Variants in SP7 observed in about 807,000 individuals in gnomAD.
SP7 encodes Sp7 transcription factor, also known as transcription factor Sp7.
SP7 carries 13 observed loss-of-function variants against 27.9 expected under a neutral mutation model. That is an observed-to-expected ratio of 0.47 (90% CI 0.30 to 0.74). The LOEUF (loss-of-function observed/expected upper bound fraction) is 0.74. Ranked by LOEUF, SP7 falls within the 30% of genes least tolerant of loss-of-function variation. SP7 has a pLI of 0.06. For missense variants in SP7, 525 were observed against 558.0 expected (o/e 0.94, Z 0.60); for synonymous variants, 219 against 226.7 (o/e 0.97, Z 0.31).
intron 1 of SP7, among the ~76,000 whole-genome samples, chr12:53,342,326 G>A (rs1235845854): frequency 1.3e-5 from 2 of 152,024 alleles, no homozygotes; most frequent in Non-Finnish European, 2.9e-5. Flanking sequence ...ATTCTTCCTC[G>A]GAGCCCAGAT....
intron 1 of SP7, 162 bp from the exon 2 acceptor site, chr12:53,335,855 T>C (rs1944764625): frequency 7.1e-7 from 1 of 1,401,834 alleles, no homozygotes; most frequent in African/African-American, 1.4e-5. Flanking sequence ...CGGAGAAGGC[T>C]CCAGATCCAA....
chr12:53,328,405 C>T lies in SP7; in HGVS notation c.1037G>A (p.Arg346His), dbSNP rs1156887202. ...TRSDELERHV[R>H]THTREKKFTC... Reference sequence around the variant, plus strand: ...GAACTTCTTCTCCCGGGTGTGAGTGCGCACATGACGCTCCAGCTCATCCGA... The same window carrying T: ...GAACTTCTTCTCCCGGGTGTGAGTGTGCACATGACGCTCCAGCTCATCCGA... The change falls in exon 3 of 3, where the codon CGC (arginine) becomes CAC (histidine). Residue 346 changes from arginine to histidine, a missense_variant. Coordinates refer to ENST00000536324, the MANE Select transcript of SP7 (RefSeq NM_001173467.3). This position sits in a 1 kb window ranked among gnomAD's most constrained non-coding sequence, Gnocchi z 5.1. 52 of 1,613,788 alleles carry T rather than the reference C, an allele frequency of 3.2e-5. No homozygotes were observed. Among genetic ancestry groups the T allele is most frequent in the African/African-American group, 6.7e-5 (5 of 74,934 alleles).
intron 2 of SP7, 110 bp downstream of exon 2, chr12:53,335,516 A>G: frequency 1.4e-6 from 1 of 724,008 alleles, no homozygotes; most frequent in Admixed American, 2.0e-5. Context: ...GACCCCTGGA[A>G]TTGACAAGCA....
chr12:53,338,902 G>A (rs1944798446), upstream of SP7, among the ~76,000 whole-genome samples: 1 of 152,150 alleles, frequency 6.6e-6, no homozygotes, highest in South Asian at 2.1e-4. Flanking sequence ...TAGTCCTGCA[G>A]CCCAGCTGAG....
chr12:53,327,925 G>A lies in SP7; in HGVS notation c.*221C>T. On this transcript the variant is annotated 3_prime_UTR_variant, in exon 3 of 3. Transcript: ENST00000536324. ...TATCAGGCACAAGGGGAGGGCCTGA[G>A]ATGAGAGTTTGTGGAAAGCCAGTCT... is the stretch of plus-strand genomic sequence containing the variant. 2 of 542,764 alleles carry A rather than the reference G, an allele frequency of 3.7e-6. No individual in the cohort carries two copies. The highest frequency in any genetic ancestry group is 5.4e-5 in the South Asian group (2 of 37,374). The allele number at this position is 542,764 out of a possible 1,614,324, so 33.6% of individuals were successfully genotyped here.
At chr12:53,330,662 G>A (rs1365532883) in intron 2 of SP7, among the ~76,000 whole-genome samples, 1 of 152,220 alleles carries the variant, frequency 6.6e-6, no homozygotes, top group Non-Finnish European at 1.5e-5. Context: ...GGCTCAAAGT[G>A]CAGTGTAGGG....
Position 53,326,986 on chromosome 12 carries a change from T to A in SP7, c.*1160A>T, listed in dbSNP as rs1362608692. 2 of 152,238 alleles carry A rather than the reference T, an allele frequency of 1.3e-5. No homozygotes were observed. The highest frequency in any genetic ancestry group is 2.9e-5 in the Non-Finnish European group (2 of 68,052). The allele number at this position is 152,238 out of a possible 1,614,324, so 9.4% of individuals were successfully genotyped here. A position where few individuals can be genotyped will look rare whatever the true frequency, so the allele number is the denominator to read the frequency against. On this transcript the variant is annotated 3_prime_UTR_variant, in exon 3 of 3. Coordinates refer to ENST00000536324, the MANE Select transcript of SP7 (RefSeq NM_001173467.3). ...CCTTCCCCACCCATTCTTCAGGAGGTGCACCCCCAAACCAATGTCCTCCTG... is the reference window on the plus strand; with the variant it reads ...CCTTCCCCACCCATTCTTCAGGAGGAGCACCCCCAAACCAATGTCCTCCTG...
Position 53,328,439 on chromosome 12 carries a change from A to G in SP7, c.1003T>C (p.Phe335Leu). 2 of 1,613,522 alleles carry G rather than the reference A, an allele frequency of 1.2e-6. No homozygotes were observed. The highest frequency in any genetic ancestry group is 1.1e-5 in the South Asian group (1 of 91,058). ...CGCTCCAGCTCATCCGAACGAGTGAACCTCTTGCCGCAGAAGAGCCAGTTG... is the reference window on the plus strand; with the variant it reads ...CGCTCCAGCTCATCCGAACGAGTGAGCCTCTTGCCGCAGAAGAGCCAGTTG... ...VCNWLFCGKR[F>L]TRSDELERHV... The change falls in exon 3 of 3, where the codon TTC (phenylalanine) becomes CTC (leucine). Residue 335 changes from phenylalanine (F) to leucine (L), a missense_variant. Transcript: ENST00000536324. This position sits in a 1 kb window ranked among gnomAD's most constrained non-coding sequence, Gnocchi z 5.1.
intron 1 of SP7, among the ~76,000 whole-genome samples, chr12:53,342,153 C>T (rs1333242636): frequency 6.6e-6 from 1 of 151,864 alleles, no homozygotes; most frequent in Admixed American, 6.6e-5. Flanking sequence ...ATCCCAGCTA[C>T]TCTGGAGGCT....
chr12:53,328,324 T>A lies in SP7; in HGVS notation c.1118A>T (p.Gln373Leu), dbSNP rs1944657642. 6.2e-7 allele frequency: 1 copy of A among 1,611,488 alleles called. No individual in the cohort carries two copies. The highest frequency in any genetic ancestry group is 8.5e-7 in the Non-Finnish European group (1 of 1,178,310). ...CGGGCCTGGTTCTCCATGGGTGCGC[T>A]GGTGTTTGCTCAGGTGGTCGCTTCG... ...FTRSDHLSKHQRTHGEPGPGP... is the reference protein window; with the variant it reads ...FTRSDHLSKHLRTHGEPGPGP... Residue 373 changes from glutamine to leucine, a missense_variant, in exon 3 of 3, where the codon CAG becomes CTG. Physicochemically the swap from Gln to Leu is moderately radical, Grantham distance 113. Coordinates refer to ENST00000536324, the MANE Select transcript of SP7 (RefSeq NM_001173467.3). The surrounding 1 kb of genome is among the most constrained non-coding windows in gnomAD (Gnocchi z 5.1).
rs1296986073 is a variant in SP7, at chr12:53,326,915, A to T, written c.*1231T>A. On this transcript the variant is annotated 3_prime_UTR_variant, in exon 3 of 3. Transcript: ENST00000536324. The stretch of plus-strand genomic sequence containing the variant: ...AGATCTAGCATAGTGCCTTGCACAG[A>T]GTAGGCACTCAATACATACTTATTT... 8.4e-6 allele frequency: 1 copy of T among 118,994 alleles called. No homozygotes were observed. The highest frequency in any genetic ancestry group is 3.1e-5 in the African/African-American group (1 of 32,242). 7.4% of individuals were successfully genotyped at this position (118,994 alleles called of 1,614,324 possible).
chr12:53,331,114 TC>T (rs1473168899), intron 2 of SP7, among the ~76,000 whole-genome samples: 4 of 152,200 alleles, frequency 2.6e-5, no homozygotes, highest in Non-Finnish European at 5.9e-5. Flanking sequence ...TAACATGTAG[TC>T]CTTCTAGCAC....
upstream of SP7, among the ~76,000 whole-genome samples, chr12:53,340,052 C>T (rs1051664862): frequency 1.3e-5 from 2 of 152,106 alleles, no homozygotes; most frequent in African/African-American, 2.4e-5. Context: ...ATAATTCATA[C>T]ACATTTGTAC....
chr12:53,341,370 T>A (rs979137323), intron 1 of SP7, among the ~76,000 whole-genome samples: 37 of 152,132 alleles, frequency 2.4e-4, no homozygotes, highest in Admixed American at 2.4e-3. Context: ...GGAATCTGGA[T>A]GGCAGGGGAC....
At chr12:53,330,342 C>G (rs1345202980) in intron 2 of SP7, among the ~76,000 whole-genome samples, 2 of 152,134 alleles carry the variant, frequency 1.3e-5, no homozygotes, top group Non-Finnish European at 2.9e-5. Context: ...TGTGAGCCAC[C>G]GCACCCAGCC....
chr12:53,344,254 G>A lies in SP7; in HGVS notation c.-34+860C>T, dbSNP rs1165173008. On this transcript the variant is annotated intron_variant, in intron 1 of 1. Coordinates refer to the SP7 transcript ENST00000547755. The surrounding 1 kb of genome is among the most constrained non-coding windows in gnomAD (Gnocchi z 4.6). ...GTTCTGAGAATGGCTCTTGACAGTT[G>A]CTGGATCCGGCCAACAGTGAAGGGC... 6.6e-6 allele frequency among the ~76,000 whole-genome samples: 1 copy of A among 152,020 alleles called. No homozygotes were observed.
intron 2 of SP7, among the ~76,000 whole-genome samples, chr12:53,331,470 C>CA (rs367626786): frequency 0.12 from 12,161 of 105,326 alleles, 1,535 homozygotes; most frequent in African/African-American, 0.29. Context: ...GACTCCATCT[C>CA]AAAAAAAAAA....
chr12:53,331,315 T>TA (rs1278223501), intron 2 of SP7, among the ~76,000 whole-genome samples: 1 of 151,272 alleles, frequency 6.6e-6, no homozygotes, highest in African/African-American at 2.4e-5. Flanking sequence ...ACTAAAAATA[T>TA]AAAAAAATTA....
At position 53,335,667 on chromosome 12, in the gene SP7, C is replaced by G; in HGVS notation, c.-21G>C. On this transcript the variant is annotated 5_prime_UTR_variant, in exon 2 of 3. Transcript: ENST00000536324. Reference sequence around the variant, plus strand: ...GCCATCCTGAGGCTGGGGAACGGGTCCCAAGGAGCCAGGCAGATGGAGAGA... The same window carrying G: ...GCCATCCTGAGGCTGGGGAACGGGTGCCAAGGAGCCAGGCAGATGGAGAGA... The G allele has an allele frequency of 6.5e-7, 1 of 1,532,792 alleles. No homozygotes were observed. 94.9% of individuals were successfully genotyped at this position (1,532,792 alleles called of 1,614,324 possible). A position where few individuals can be genotyped will look rare whatever the true frequency, so the allele number is the denominator to read the frequency against.
Sources: allele counts gnomAD v4.1 joint callset (sites outside exome capture counted in the v4.1 genomes callset), GRCh38; gene constraint gnomAD v4.1.1; non-coding constraint Gnocchi (gnomAD v3.1); transcripts MANE v1.5; gene names NCBI Gene and HGNC (gene_info 2026-07-23, HGNC 2026-07-21).